The following GOLGA4 variants were observed in gnomAD, a reference collection of about 807,000 sequenced individuals.
GOLGA4 encodes the protein golgin subfamily A member 4.
A neutral mutation model predicts 265.9 loss-of-function variants in GOLGA4; 169 were observed. The ratio of observed to expected loss-of-function variants is 0.64; its 90% confidence interval spans 0.56 to 0.72. GOLGA4 has a LOEUF of 0.72. GOLGA4 is among the 30% of genes least tolerant of loss of function. GOLGA4 has a pLI of 0.00. For missense variants in GOLGA4, 2,482 were observed against 2,483.4 expected (o/e 1.00, Z 0.01); for synonymous variants, 923 against 855.8 (o/e 1.08, Z -1.37).
chr3:37,279,993 G>A (rs1392056681), intron 2 of GOLGA4, among the ~76,000 whole-genome samples: 3 of 151,812 alleles, frequency 2.0e-5, no homozygotes, highest in Non-Finnish European at 2.9e-5. Context: ...AATTGCTTCC[G>A]GTGTTTCTTC....
At chr3:37,263,487 T>G (rs1376878655) in intron 2 of GOLGA4, among the ~76,000 whole-genome samples, 2 of 152,182 alleles carry the variant, frequency 1.3e-5, no homozygotes, top group Non-Finnish European at 2.9e-5. Flanking sequence ...CCCTCCATGA[T>G]GTTCACATGA....
chr3:37,293,728 G>A (rs556041942), intron 5 of GOLGA4, among the ~76,000 whole-genome samples: 2 of 152,202 alleles, frequency 1.3e-5, no homozygotes, highest in Non-Finnish European at 2.9e-5. Context: ...ATTGACAGGA[G>A]TGTAGCCAGG....
rs781307426 is a variant in GOLGA4, at chr3:37,324,461, C to T, written c.2575C>T (p.His859Tyr). ...AGATGTTTGTACTGAGTTAGATGCT[C>T]ACAAAATCCAGGTGCAGGACTTAAT... The part of the protein sequence containing the change: ...KKDVCTELDA[H>Y]KIQVQDLMQQ... The change falls in exon 14 of 24, where the codon CAC (histidine) becomes TAC (tyrosine). Residue 859 changes from histidine to tyrosine, a missense_variant. His to Tyr is a moderately conservative substitution (Grantham distance 83). Coordinates refer to ENST00000361924, the MANE Select transcript of GOLGA4 (RefSeq NM_002078.5). 14 of 1,613,946 alleles carry T rather than the reference C, an allele frequency of 8.7e-6. No individual in the cohort carries two copies. Among genetic ancestry groups the T allele is most frequent in the Non-Finnish European group, 1.2e-5 (14 of 1,179,988 alleles).
intron 10 of GOLGA4, among the ~76,000 whole-genome samples, chr3:37,304,035 C>G (rs1332022593): frequency 6.6e-6 from 1 of 152,046 alleles, no homozygotes; most frequent in African/African-American, 2.4e-5. Flanking sequence ...GACTCAGAGT[C>G]TGTGCTCTTA....
At chr3:37,286,201 C>T (rs1408551948) in intron 4 of GOLGA4, 140 bp downstream of exon 4, 16 of 455,044 alleles carry the variant, frequency 3.5e-5, no homozygotes, top group Middle Eastern at 6.5e-4. Context: ...GGCTGGACTG[C>T]GGACTGCAGT....
At chr3:37,271,750 A>G (rs546767221) in intron 2 of GOLGA4, among the ~76,000 whole-genome samples, 1 of 152,208 alleles carries the variant, frequency 6.6e-6, no homozygotes, top group Non-Finnish European at 1.5e-5. Flanking sequence ...AGTGCTTCCC[A>G]ACCTCCAGGC....
At chr3:37,308,435 A>G (rs1317240559) in intron 10 of GOLGA4, among the ~76,000 whole-genome samples, 9 of 151,720 alleles carry the variant, frequency 5.9e-5, no homozygotes, top group African/African-American at 2.2e-4. Flanking sequence ...GCACTATCTA[A>G]TTTATGCCAC....
At chr3:37,272,620 A>G (rs188089438) in intron 2 of GOLGA4, among the ~76,000 whole-genome samples, 1 of 152,336 alleles carries the variant, frequency 6.6e-6, no homozygotes, top group Non-Finnish European at 1.5e-5. Flanking sequence ...AAACTACTTA[A>G]TCAATGTTCA....
At chr3:37,251,852 G>A (rs943785293) in intron 2 of GOLGA4, among the ~76,000 whole-genome samples, 3 of 152,028 alleles carry the variant, frequency 2.0e-5, no homozygotes, top group African/African-American at 7.2e-5. Context: ...CCTGGCTAAC[G>A]TTTAAATTTT....
Position 37,327,548 on chromosome 3 carries a change from C to T in GOLGA4, c.5662C>T (p.Gln1888Ter). The T allele has an allele frequency of 6.2e-7, 1 of 1,613,662 alleles. No individual in the cohort carries two copies. Among genetic ancestry groups the T allele is most frequent in the Non-Finnish European group, 8.5e-7 (1 of 1,179,758 alleles). The change falls in exon 14 of 24, where the codon CAA becomes TAA. Residue 1888 changes from glutamine (Q) to a stop codon, truncating the protein, a stop_gained. Transcript: ENST00000361924. LOFTEE classifies it high-confidence loss of function. ...TSKYEKLQAL[Q>*]QMDGRNKPTE... ...AAAATATGAAAAATTACAGGCTTTACAACAGATGGATGGAAGAAATAAACC... is the reference window on the plus strand; with the variant it reads ...AAAATATGAAAAATTACAGGCTTTATAACAGATGGATGGAAGAAATAAACC...
At chr3:37,308,568 G>T (rs1477336634) in intron 10 of GOLGA4, among the ~76,000 whole-genome samples, 1 of 151,324 alleles carries the variant, frequency 6.6e-6, no homozygotes, top group East Asian at 1.9e-4. Flanking sequence ...CTTTATTTAT[G>T]TGGGTTATAT....
intron 2 of GOLGA4, among the ~76,000 whole-genome samples, chr3:37,274,766 T>C (rs1287856886): frequency 6.6e-6 from 1 of 152,124 alleles, no homozygotes; most frequent in African/African-American, 2.4e-5. Flanking sequence ...TGATGACTAT[T>C]ATCATCATCC....
chr3:37,344,827 A>G (rs2097050983), intron 20 of GOLGA4, among the ~76,000 whole-genome samples: 1 of 152,236 alleles, frequency 6.6e-6, no homozygotes, highest in Non-Finnish European at 1.5e-5. Context: ...CATTTAATTT[A>G]TAGAAAAAGA....
chr3:37,329,514 G>C (rs374059143), intron 16 of GOLGA4, among the ~76,000 whole-genome samples: 3 of 152,266 alleles, frequency 2.0e-5, no homozygotes, highest in East Asian at 3.9e-4. Context: ...GAATCTTTCT[G>C]GGAGGGACAA....
chr3:37,301,012 A>G (rs377759678), intron 9 of GOLGA4, among the ~76,000 whole-genome samples: 1 of 152,164 alleles, frequency 6.6e-6, no homozygotes, highest in Non-Finnish European at 1.5e-5. Flanking sequence ...TTGAGATTTC[A>G]TATAGCAGTG....
At chr3:37,266,507 T>C (rs2096784180) in intron 2 of GOLGA4, among the ~76,000 whole-genome samples, 1 of 152,162 alleles carries the variant, frequency 6.6e-6, no homozygotes, top group African/African-American at 2.4e-5. Flanking sequence ...CCATGTATTG[T>C]TGTTAATTGG....
intron 4 of GOLGA4, among the ~76,000 whole-genome samples, chr3:37,287,366 C>G (rs1409035914): frequency 6.6e-6 from 1 of 152,160 alleles, no homozygotes; most frequent in Non-Finnish European, 1.5e-5. Flanking sequence ...AAATTCAATG[C>G]TTTGCTCTCT....
intron 20 of GOLGA4, among the ~76,000 whole-genome samples, chr3:37,344,720 T>C (rs2097050637): frequency 6.6e-6 from 1 of 152,212 alleles, no homozygotes; most frequent in Non-Finnish European, 1.5e-5. Context: ...AATTGTTTAT[T>C]CTTAACTCTT....
rs1053115298 is a variant in GOLGA4, at chr3:37,277,345, G to A, written c.163-4613G>A. Among the ~76,000 whole-genome samples the A allele has an allele frequency of 7.9e-5, 12 of 152,144 alleles. 1 individual carries two copies. The highest frequency in any genetic ancestry group is 7.2e-4 in the Admixed American group (11 of 15,270). The stretch of plus-strand genomic sequence containing the variant: ...AGTTTTGCAGAAGAACACTGTTGTA[G>A]TTTAGAAGGCTTTTCATAAATCCCC... On this transcript the variant is annotated intron_variant, in intron 2 of 23. Coordinates refer to ENST00000361924, the MANE Select transcript of GOLGA4 (RefSeq NM_002078.5).
Sources: gnomAD v4.1 joint callset for allele counts (sites outside exome capture counted in the v4.1 genomes callset) on GRCh38, gnomAD v4.1.1 for gene constraint, MANE v1.5 for transcripts, NCBI Gene and HGNC (gene_info 2026-07-23, HGNC 2026-07-21) for gene names.